The following ALMS1 variants were observed in gnomAD, a reference collection of about 807,000 sequenced individuals.
The protein encoded by ALMS1 is ALMS1 centrosome and basal body associated protein, also known as centrosome-associated protein ALMS1.
Under a neutral mutation model 352.2 loss-of-function variants are expected in ALMS1, and 271 were observed. The ratio of observed to expected loss-of-function variants is 0.77; its 90% CI spans 0.70 to 0.85. The LOEUF (loss-of-function observed/expected upper bound fraction) is 0.85, where lower values mean the gene tolerates loss of function less well. Ranked by LOEUF, ALMS1 falls within the 40% of genes least tolerant of loss-of-function variation. The pLI, the probability that ALMS1 is intolerant of heterozygous loss-of-function variation, is 0.00. For missense variants in ALMS1, 5,445 were observed against 4,870.7 expected, an observed-to-expected ratio of 1.12 and a Z score of -3.51; for synonymous variants, 1,865 against 1,761.2, an observed-to-expected ratio of 1.06 and a Z score of -1.48.
chr2:73,442,843 T>C (rs1671744724), intron 7 of ALMS1, among the ~76,000 whole-genome samples: 1 of 152,238 alleles, frequency 6.6e-6, no homozygotes, highest in African/African-American at 2.4e-5. Flanking sequence ...TGTTTGTATC[T>C]GACTACTATG....
In ALMS1 at chr2:73,573,305, A is replaced by AGC; in HGVS notation, c.11429_11430dup (p.Ser3811AlafsTer22). The AGC allele has an allele frequency of 1.2e-6, 2 of 1,614,154 alleles. No individual in the cohort carries two copies. Among genetic ancestry groups the AGC allele is most frequent in the Non-Finnish European group, 1.7e-6 (2 of 1,180,012 alleles). ...GTCACCCAGACGAATTAAATTATAT[A>AGC]GCAGCATCACCAACCAACAGAGGAG... is the stretch of plus-strand genomic sequence containing the variant. On this transcript the variant is annotated frameshift_variant, in exon 16 of 23. Coordinates refer to ENST00000613296, the MANE Select transcript of ALMS1 (RefSeq NM_001378454.1). LOFTEE classifies it high-confidence loss of function.
chr2:73,450,018 T>C lies in ALMS1; in HGVS notation c.3491T>C (p.Ile1164Thr). 7 of 1,613,966 alleles carry C rather than the reference T, an allele frequency of 4.3e-6. No individual in the cohort carries two copies. Among genetic ancestry groups the C allele is most frequent in the East Asian group, 4.5e-5 (2 of 44,854 alleles). ...FHQQALPGTH[I>T]PEEAQKVSAV... ...CAGCAGGCCTTGCCAGGTACTCATA[T>C]ACCTGAAGAGGCTCAGAAAGTTTCA... is the stretch of plus-strand genomic sequence containing the variant. The change falls in exon 8 of 23, where the codon ATA (isoleucine) becomes ACA (threonine). Residue 1164 changes from isoleucine (I) to threonine (T), a missense_variant. Ile to Thr is a moderately conservative substitution (Grantham distance 89). Coordinates refer to ENST00000613296, the MANE Select transcript of ALMS1 (RefSeq NM_001378454.1).
In ALMS1 at chr2:73,386,028, T is replaced by C. The variant is rs745737550; in HGVS notation, c.160T>C (p.Leu54=). 2.6e-6 allele frequency: 4 copies of C among 1,546,380 alleles called. No individual in the cohort carries two copies. Among genetic ancestry groups the C allele is most frequent in the Admixed American group, 3.9e-5 (2 of 51,110 alleles). ...EEVEEEAGRE[L]DSDSHYGPQH... is the part of the protein sequence containing the mutation. Reference sequence around the variant, plus strand: ...GGTGGAGGAAGAGGCGGGGCGGGAGTTGGACTCCGACTCTCACTACGGGCC... The same window carrying C: ...GGTGGAGGAAGAGGCGGGGCGGGAGCTGGACTCCGACTCTCACTACGGGCC... Residue 54 remains leucine, a synonymous_variant, in exon 1 of 23, where the codon TTG becomes CTG. Coordinates refer to ENST00000613296, the MANE Select transcript of ALMS1 (RefSeq NM_001378454.1).
chr2:73,539,233 C>T (rs530454632), intron 12 of ALMS1, among the ~76,000 whole-genome samples: 2 of 152,310 alleles, frequency 1.3e-5, no homozygotes, highest in East Asian at 3.9e-4. Context: ...CACCAATATT[C>T]GCTGTTCTGC....
At chr2:73,399,548 T>C (rs1001430538) in intron 1 of ALMS1, among the ~76,000 whole-genome samples, 13 of 151,208 alleles carry the variant, frequency 8.6e-5, no homozygotes, top group African/African-American at 3.2e-4. Flanking sequence ...GAACTTAGAG[T>C]GAGCGCTCAC....
chr2:73,563,381 C>T (rs769326831), intron 15 of ALMS1, among the ~76,000 whole-genome samples: 32 of 152,026 alleles, frequency 2.1e-4, no homozygotes, highest in South Asian at 1.9e-3. Flanking sequence ...ATTCATAAAA[C>T]GAAAACCAGG....
At chr2:73,478,128 A>G (rs1482552455) in intron 9 of ALMS1, among the ~76,000 whole-genome samples, 1 of 152,166 alleles carries the variant, frequency 6.6e-6, no homozygotes, top group Non-Finnish European at 1.5e-5. Flanking sequence ...ATCTGGTTAA[A>G]GAAATCCCTT....
At chr2:73,526,934 A>G (rs1310941188) in intron 11 of ALMS1, among the ~76,000 whole-genome samples, 1 of 152,094 alleles carries the variant, frequency 6.6e-6, no homozygotes, top group Non-Finnish European at 1.5e-5. Flanking sequence ...TATTATGTTG[A>G]GGTATGTGTT....
intron 1 of ALMS1, among the ~76,000 whole-genome samples, chr2:73,402,879 GTTGT>G (rs910093148): frequency 1.6e-4 from 24 of 152,128 alleles, no homozygotes; most frequent in Non-Finnish European, 3.1e-4. Context: ...CTAAAATTAG[GTTGT>G]TTGTTTTTCT....
chr2:73,502,419 G>A (rs550760377), intron 10 of ALMS1, among the ~76,000 whole-genome samples: 1 of 152,084 alleles, frequency 6.6e-6, no homozygotes, highest in East Asian at 1.9e-4. Context: ...CTTGCTTAAT[G>A]CACTGGCTAG....
At position 73,601,396 on chromosome 2, in the gene ALMS1, G is replaced by A. The variant is rs199989044; in HGVS notation, c.12074G>A (p.Gly4025Asp). The A allele has an allele frequency of 5.0e-6, 8 of 1,613,934 alleles. No individual in the cohort carries two copies. The highest frequency in any genetic ancestry group is 1.1e-5 in the South Asian group (1 of 91,090). The change falls in exon 19 of 23, where the codon GGC (glycine) becomes GAC (aspartate). Residue 4025 changes from glycine (G) to aspartate (D), a missense_variant. Coordinates refer to ENST00000613296, the MANE Select transcript of ALMS1 (RefSeq NM_001378454.1). ...GYLAGPGREA[G>D]RDLLRPFVRA... is the part of the protein sequence containing the mutation. ...CTGGCAGGCCCAGGCAGAGAGGCTG[G>A]CAGAGACCTACTGAGGCCATTTGTG...
intron 13 of ALMS1, among the ~76,000 whole-genome samples, chr2:73,556,366 A>T (rs1674541810): frequency 6.6e-6 from 1 of 152,198 alleles, no homozygotes; most frequent in Non-Finnish European, 1.5e-5. Context: ...GTTGAAAAAT[A>T]TACTTACAGA....
chr2:73,608,358 G>A (rs548373662), intron 21 of ALMS1, 117 bp from the exon 22 acceptor site: 49 of 835,410 alleles, frequency 5.9e-5, no homozygotes, highest in Non-Finnish European at 4.1e-5. Flanking sequence ...GCCTTTCTGA[G>A]AGGGATGAGC....
chr2:73,419,200 T>A lies in ALMS1; in HGVS notation c.528T>A (p.Asn176Lys), dbSNP rs1671238532. 4 of 1,613,910 alleles carry A rather than the reference T, an allele frequency of 2.5e-6. No individual in the cohort carries two copies. The Admixed American group carries it at 6.7e-5, about 27-fold the overall frequency. Residue 176 changes from asparagine to lysine, a missense_variant, in exon 3 of 23, where the codon AAT (asparagine) becomes AAA (lysine). Transcript: ENST00000613296. ...TGGATACATCCCAGACTAGGTTTAATGTGAGAACGGAAGATACTGAAGTGA... is the reference window on the plus strand; with the variant it reads ...TGGATACATCCCAGACTAGGTTTAAAGTGAGAACGGAAGATACTGAAGTGA... ...QTLDTSQTRF[N>K]VRTEDTEVTD...
rs1448961465 is a variant in ALMS1 at position 73,601,213 on chromosome 2, C to T, written c.11891C>T (p.Pro3964Leu). 1 of 1,614,034 alleles carries T rather than the reference C, an allele frequency of 6.2e-7. No individual in the cohort carries two copies. Among genetic ancestry groups the T allele is most frequent in the African/African-American group, 1.3e-5 (1 of 74,918 alleles). The change falls in exon 19 of 23, where the codon CCT becomes CTT. Residue 3964 changes from proline to leucine, a missense_variant. Pro to Leu is a moderately conservative substitution (Grantham distance 98). Coordinates refer to ENST00000613296, the MANE Select transcript of ALMS1 (RefSeq NM_001378454.1). ...NSHEGVSWFV[P>L]VENVESRSKK... ...CCTGTAGGAGTTTCCTGGTTTGTTC[C>T]TGTGGAAAATGTGGAGTCTAGATCA...
At chr2:73,531,089 C>T (rs984999594) in intron 11 of ALMS1, among the ~76,000 whole-genome samples, 3 of 152,214 alleles carry the variant, frequency 2.0e-5, no homozygotes, top group African/African-American at 4.8e-5. Context: ...TTTGGCTCCT[C>T]GTTACTTATG....
At chr2:73,548,348 A>G (rs1004655968) in intron 12 of ALMS1, among the ~76,000 whole-genome samples, 2 of 152,176 alleles carry the variant, frequency 1.3e-5, no homozygotes, top group African/African-American at 4.8e-5. Context: ...TACTATAGCT[A>G]TGCACAGGTA....
intron 12 of ALMS1, among the ~76,000 whole-genome samples, chr2:73,536,791 C>A (rs1382747999): frequency 6.6e-6 from 1 of 152,048 alleles, no homozygotes; most frequent in African/African-American, 2.4e-5. Flanking sequence ...AAACAGCCAT[C>A]CAAAGAAAGA....
Position 73,485,001 on chromosome 2 carries a change from T to A in ALMS1, c.7675-4633T>A, listed in dbSNP as rs561180315. On this transcript the variant is annotated intron_variant, in intron 9 of 22. Transcript: ENST00000613296. ...CTAAATTTTTTTCAAAGTTTTCAAC[T>A]TCTTTGCCTTTGGTTTGAATGTCCT... 3.9e-5 allele frequency among the ~76,000 whole-genome samples: 6 copies of A among 152,298 alleles called. No homozygotes were observed. In the East Asian group the frequency reaches 9.6e-4, roughly 24 times the overall value.
Sources: gnomAD v4.1 joint callset for allele counts (sites outside exome capture counted in the v4.1 genomes callset) on GRCh38, gnomAD v4.1.1 for gene constraint, MANE v1.5 for transcripts, NCBI Gene and HGNC (gene_info 2026-07-23, HGNC 2026-07-21) for gene names.